The following LRP1B variants were observed in gnomAD, a reference collection of about 807,000 sequenced individuals.
LRP1B encodes low-density lipoprotein receptor-related protein 1B.
In LRP1B, 217 loss-of-function variants were observed where a neutral mutation model predicts 556.6. That is an observed-to-expected ratio of 0.39 (90% CI 0.35 to 0.44). The LOEUF is 0.44. Among genes scored for constraint, LRP1B ranks in the 20% least tolerant of loss-of-function variants. The pLI is 1.00. For missense variants in LRP1B, 5,053 were observed against 5,620.8 expected (o/e 0.90, Z 3.23); for synonymous variants, 2,047 against 1,865.8 (o/e 1.10, Z -2.50).
intron 7 of LRP1B, among the ~76,000 whole-genome samples, chr2:141,125,019 A>G (rs1475849796): frequency 1.3e-5 from 2 of 152,206 alleles, no homozygotes; most frequent in African/African-American, 4.8e-5. Context: ...TAGGTGCTTT[A>G]GAAAATAATA....
chr2:142,028,457 C>T (rs934552239), intron 1 of LRP1B, among the ~76,000 whole-genome samples: 10 of 151,914 alleles, frequency 6.6e-5, no homozygotes, highest in Non-Finnish European at 7.4e-5. Flanking sequence ...ATTCTGGCTT[C>T]TTTCACTTAG....
In LRP1B at chr2:140,509,998, G is replaced by T; in HGVS notation, c.8328C>A (p.Pro2776=). The T allele has an allele frequency of 6.2e-7, 1 of 1,613,956 alleles. No homozygotes were observed. The highest frequency in any genetic ancestry group is 8.5e-7 in the Non-Finnish European group (1 of 1,180,022). ...TTTCACCATCACAAAGCCAATGTCG[G>T]GGCACGCAGGCACGAGAGCCCTGGC... ...FSCQGSRACV[P]RHWLCDGERD... The change falls in exon 52 of 91, where the codon CCC becomes CCA. Residue 2776 remains proline (P), a synonymous_variant. Coordinates refer to ENST00000389484, the MANE Select transcript of LRP1B (RefSeq NM_018557.3).
At chr2:140,941,023 T>C (rs554353041) in intron 20 of LRP1B, among the ~76,000 whole-genome samples, 4 of 152,320 alleles carry the variant, frequency 2.6e-5, no homozygotes, top group Admixed American at 6.5e-5. Context: ...TGATCAGTGA[T>C]GTCAACATTT....
chr2:140,610,911 G>A (rs942680634), intron 41 of LRP1B, among the ~76,000 whole-genome samples: 2 of 152,224 alleles, frequency 1.3e-5, no homozygotes, highest in African/African-American at 4.8e-5. Flanking sequence ...GAAATACAGA[G>A]ATAGTAATGG....
In LRP1B at chr2:140,371,189, C is replaced by G. The variant is rs72990625; in HGVS notation, c.10865G>C (p.Gly3622Ala). ...AACAATATATTTTACCTCATCTGAACCATCAGCACAATCATATTCTCCATT... is the reference window on the plus strand; with the variant it reads ...AACAATATATTTTACCTCATCTGAAGCATCAGCACAATCATATTCTCCATT... Reference protein sequence around the residue: ...KCNGEYDCADGSDEMDCVTEC... With the variant: ...KCNGEYDCADASDEMDCVTEC... The change falls in exon 70 of 91, where the codon GGT (glycine) becomes GCT (alanine). Residue 3622 changes from glycine to alanine, a missense_variant. Gly to Ala is a moderately conservative substitution (Grantham distance 60). Transcript: ENST00000389484. 1.1e-4 allele frequency: 168 copies of G among 1,580,102 alleles called. No individual in the cohort carries two copies. In the African/African-American group the frequency reaches 2.1e-3, roughly 20 times the overall value.
At chr2:141,841,098 G>GA (rs1697456964) in intron 1 of LRP1B, among the ~76,000 whole-genome samples, 1 of 152,126 alleles carries the variant, frequency 6.6e-6, no homozygotes, top group East Asian at 1.9e-4. Flanking sequence ...GGTTAATGTA[G>GA]GTTTGTTAAA....
chr2:141,289,381 C>CAAAAAAAA (rs34784985), intron 3 of LRP1B, among the ~76,000 whole-genome samples: 2 of 43,466 alleles, frequency 4.6e-5, no homozygotes, highest in African/African-American at 9.6e-5. Context: ...GACTCCATCT[C>CAAAAAAAA]AAAAAAAAAA....
chr2:141,868,952 GACTGCAT>G (rs1398752217), intron 1 of LRP1B, among the ~76,000 whole-genome samples: 1 of 152,024 alleles, frequency 6.6e-6, no homozygotes, highest in Non-Finnish European at 1.5e-5. Context: ...TAAATGTAAA[GACTGCAT>G]ACTAAACATA....
chr2:141,132,517 C>G (rs1701384562), intron 7 of LRP1B, among the ~76,000 whole-genome samples: 1 of 152,010 alleles, frequency 6.6e-6, no homozygotes. Context: ...AAACCCTCTT[C>G]TCTTTATAAA....
intron 34 of LRP1B, among the ~76,000 whole-genome samples, chr2:140,770,008 C>T (rs747805120): frequency 2.1e-4 from 32 of 151,884 alleles, no homozygotes; most frequent in Non-Finnish European, 4.4e-4. Flanking sequence ...ATGCATTTTG[C>T]CAATATATTA....
intron 3 of LRP1B, among the ~76,000 whole-genome samples, chr2:141,472,691 A>G (rs1417298184): frequency 6.6e-6 from 1 of 152,152 alleles, no homozygotes; most frequent in African/African-American, 2.4e-5. Flanking sequence ...TGAAACCACT[A>G]TTGTCTAAGA....
chr2:140,889,680 C>G (rs528007449), intron 23 of LRP1B, among the ~76,000 whole-genome samples: 1 of 152,116 alleles, frequency 6.6e-6, no homozygotes, highest in Non-Finnish European at 1.5e-5. Flanking sequence ...CCATTTTACA[C>G]AGGAAGAAAC....
intron 18 of LRP1B, among the ~76,000 whole-genome samples, chr2:140,970,152 AG>A (rs1696368197): frequency 6.6e-6 from 1 of 152,172 alleles, no homozygotes; most frequent in Non-Finnish European, 1.5e-5. Context: ...TGTCACTTTC[AG>A]GTACACCAGT....
chr2:141,122,464 G>T (rs894483608), intron 7 of LRP1B, among the ~76,000 whole-genome samples: 1 of 148,304 alleles, frequency 6.7e-6, no homozygotes, highest in Non-Finnish European at 1.5e-5. Context: ...CTTCTCAAAA[G>T]AAGACATTTA....
intron 68 of LRP1B, among the ~76,000 whole-genome samples, chr2:140,377,506 A>G (rs1054996131): frequency 6.6e-6 from 1 of 152,214 alleles, no homozygotes; most frequent in Non-Finnish European, 1.5e-5. Context: ...TGAGAAAAAT[A>G]TATATAATCA....
At chr2:141,492,858 T>C (rs1380326648) in intron 2 of LRP1B, among the ~76,000 whole-genome samples, 1 of 152,112 alleles carries the variant, frequency 6.6e-6, no homozygotes, top group East Asian at 1.9e-4. Context: ...CCAAAGTGAA[T>C]GTTGTTGATG....
At chr2:141,694,150 C>T (rs1373084831) in intron 2 of LRP1B, among the ~76,000 whole-genome samples, 1 of 152,068 alleles carries the variant, frequency 6.6e-6, no homozygotes, top group African/African-American at 2.4e-5. Flanking sequence ...TCTACCTCTA[C>T]CTCTCTAAGC....
chr2:140,666,208 TG>T (rs137914604), intron 41 of LRP1B, among the ~76,000 whole-genome samples: 3,755 of 152,018 alleles, frequency 0.025, 98 homozygotes, highest in East Asian at 0.14. Flanking sequence ...TTGGCCAGGC[TG>T]GTCTTGAATT....
At chr2:140,663,060 A>G (rs1468454488) in intron 41 of LRP1B, among the ~76,000 whole-genome samples, 1 of 152,172 alleles carries the variant, frequency 6.6e-6, no homozygotes, top group East Asian at 1.9e-4. Flanking sequence ...CCTTCAGAAC[A>G]TGATTGAACA....
Sources: gnomAD v4.1 joint callset for allele counts (sites outside exome capture counted in the v4.1 genomes callset) on GRCh38, gnomAD v4.1.1 for gene constraint, MANE v1.5 for transcripts, NCBI Gene and HGNC (gene_info 2026-07-23, HGNC 2026-07-21) for gene names.